Variants in ZNF385D observed in about 807,000 individuals in gnomAD.
ZNF385D encodes zinc finger protein 659.
In ZNF385D, 15 loss-of-function variants were observed where a neutral mutation model predicts 35.8. That is an observed-to-expected ratio of 0.42 (90% CI 0.28 to 0.64). ZNF385D has a LOEUF of 0.64. Among genes scored for constraint, ZNF385D ranks in the 30% least tolerant of loss-of-function variants. ZNF385D has a pLI of 0.23. For synonymous variants in ZNF385D, 212 were observed against 186.8 expected (o/e 1.13, Z -1.10); for missense variants, 474 against 494.6 (o/e 0.96, Z 0.39).
At chr3:21,807,674 G>T (rs1418111600) in intron 3 of ZNF385D, among the ~76,000 whole-genome samples, 1 of 152,144 alleles carries the variant, frequency 6.6e-6, no homozygotes, top group East Asian at 1.9e-4. Flanking sequence ...ATGGAATTAT[G>T]GTGAAAATGT....
chr3:22,361,688 T>C (rs1696414870), intron 2 of ZNF385D, among the ~76,000 whole-genome samples: 1 of 152,086 alleles, frequency 6.6e-6, no homozygotes, highest in Non-Finnish European at 1.5e-5. Flanking sequence ...TCTGTATATG[T>C]GGAAAGAGGA....
At chr3:22,192,582 T>C (rs891952584) in intron 2 of ZNF385D, among the ~76,000 whole-genome samples, 3 of 152,166 alleles carry the variant, frequency 2.0e-5, no homozygotes, top group Admixed American at 6.6e-5. Flanking sequence ...GCCATGTGTG[T>C]GAACTACCAT....
At chr3:21,520,253 A>G (rs1289169376) in intron 3 of ZNF385D, among the ~76,000 whole-genome samples, 1 of 152,242 alleles carries the variant, frequency 6.6e-6, no homozygotes, top group Admixed American at 6.5e-5. Context: ...TGTCACTGCC[A>G]TAAGAAGGGT....
chr3:21,987,336 C>T (rs1694867195), intron 3 of ZNF385D, among the ~76,000 whole-genome samples: 1 of 127,050 alleles, frequency 7.9e-6, no homozygotes. Context: ...TTAGTGCTTC[C>T]TTCAGGAGCT....
At chr3:21,960,386 A>C (rs576193889) in intron 3 of ZNF385D, among the ~76,000 whole-genome samples, 6 of 152,164 alleles carry the variant, frequency 3.9e-5, no homozygotes, top group African/African-American at 7.2e-5. Context: ...CTATAATGAA[A>C]TATCACCTCA....
chr3:21,747,308 G>A (rs1282976786), intron 1 of ZNF385D, among the ~76,000 whole-genome samples: 2 of 152,142 alleles, frequency 1.3e-5, no homozygotes, highest in Non-Finnish European at 2.9e-5. Context: ...TCTTAATTCT[G>A]TTTAAAGTGT....
chr3:22,216,344 A>G (rs567096607), intron 2 of ZNF385D, among the ~76,000 whole-genome samples: 232 of 152,216 alleles, frequency 1.5e-3, no homozygotes, highest in African/African-American at 5.4e-3. Flanking sequence ...TGTTAACAAT[A>G]CTACCATTAT....
intron 2 of ZNF385D, among the ~76,000 whole-genome samples, chr3:22,248,234 T>G (rs987797502): frequency 1.3e-5 from 2 of 152,152 alleles, no homozygotes; most frequent in African/African-American, 4.8e-5. Flanking sequence ...ACCAATCACC[T>G]GCAAGGCAGG....
intron 2 of ZNF385D, among the ~76,000 whole-genome samples, chr3:21,592,385 C>T (rs2064000030): frequency 1.7e-5 from 1 of 58,136 alleles, no homozygotes; most frequent in African/African-American, 8.6e-5. Context: ...AAGGATACTA[C>T]TTTTTGAATC....
At chr3:22,059,650 A>G (rs1431974221) in intron 3 of ZNF385D, among the ~76,000 whole-genome samples, 1 of 152,152 alleles carries the variant, frequency 6.6e-6, no homozygotes, top group Non-Finnish European at 1.5e-5. Context: ...GAGTTCTCCA[A>G]TGGGTATGTG....
At chr3:21,533,945 G>A (rs772286247) in intron 3 of ZNF385D, among the ~76,000 whole-genome samples, 1 of 151,902 alleles carries the variant, frequency 6.6e-6, no homozygotes, top group Non-Finnish European at 1.5e-5. Flanking sequence ...TTAGAAAGAT[G>A]GTAAGTATGA....
chr3:21,457,696 A>G (rs1702908897), intron 4 of ZNF385D, among the ~76,000 whole-genome samples: 3 of 152,252 alleles, frequency 2.0e-5, no homozygotes, highest in Non-Finnish European at 1.5e-5. Flanking sequence ...ATGATTTCCA[A>G]CAGCCTTCCA....
intron 2 of ZNF385D, among the ~76,000 whole-genome samples, chr3:22,175,917 T>A (rs1324272006): frequency 6.8e-6 from 1 of 148,042 alleles, no homozygotes; most frequent in Non-Finnish European, 1.5e-5. Context: ...ATATATATTA[T>A]ATATAATATA....
intron 3 of ZNF385D, among the ~76,000 whole-genome samples, chr3:21,802,905 G>A (rs1212743266): frequency 1.3e-5 from 2 of 152,186 alleles, no homozygotes; most frequent in African/African-American, 4.8e-5. Flanking sequence ...TTGGGCAAAT[G>A]CTCCCAGGAG....
chr3:21,548,874 G>T lies in ZNF385D; in HGVS notation c.276+15700C>A, dbSNP rs180830233. Among the ~76,000 whole-genome samples, 282 of 152,228 alleles carry T rather than the reference G, an allele frequency of 1.9e-3. 2 individuals are homozygous for T. Among genetic ancestry groups the T allele is most frequent in the Admixed American group, 4.6e-3 (71 of 15,302 alleles). On this transcript the variant is annotated intron_variant, in intron 3 of 7. Coordinates refer to ENST00000281523, the MANE Select transcript of ZNF385D (RefSeq NM_024697.3). The stretch of plus-strand genomic sequence containing the variant: ...CACCTAGCTGTTTCAGTAGCCTATT[G>T]CCCTTGAAAAAGTCAACTAAATATT...
intron 3 of ZNF385D, among the ~76,000 whole-genome samples, chr3:22,154,235 A>G (rs1362614495): frequency 6.6e-6 from 1 of 152,086 alleles, no homozygotes; most frequent in Non-Finnish European, 1.5e-5. Context: ...AGCTCATTTC[A>G]TTTCCAGCTC....
At chr3:22,266,210 A>C (rs1028490101) in intron 2 of ZNF385D, among the ~76,000 whole-genome samples, 2 of 151,930 alleles carry the variant, frequency 1.3e-5, no homozygotes, top group African/African-American at 4.8e-5. Flanking sequence ...TTGGAAGAGG[A>C]GCCAGGTCTG....
At chr3:22,159,756 TTCAG>T (rs1461097198) in intron 3 of ZNF385D, among the ~76,000 whole-genome samples, 4 of 152,270 alleles carry the variant, frequency 2.6e-5, no homozygotes, top group South Asian at 2.1e-4. Context: ...AGGAATTTAC[TTCAG>T]TCAAACAAGA....
At chr3:22,207,187 T>A (rs1697212056) in intron 2 of ZNF385D, among the ~76,000 whole-genome samples, 1 of 151,882 alleles carries the variant, frequency 6.6e-6, no homozygotes, top group South Asian at 2.1e-4. Flanking sequence ...ACATACAACC[T>A]ACCAAGATTG....
Sources: allele counts gnomAD v4.1 joint callset (sites outside exome capture counted in the v4.1 genomes callset), GRCh38; gene constraint gnomAD v4.1.1; transcripts MANE v1.5; gene names NCBI Gene and HGNC (gene_info 2026-07-23, HGNC 2026-07-21).